The following STK24 variants were observed in gnomAD, a reference collection of about 807,000 sequenced individuals.
The protein encoded by STK24 is serine/threonine kinase 24, also known as serine/threonine-protein kinase 24.
STK24 carries 21 observed loss-of-function variants against 55.6 expected under a neutral mutation model. The ratio of observed to expected loss-of-function variants is 0.38; its 90% CI spans 0.27 to 0.54. The LOEUF is 0.54. Ranked by LOEUF, STK24 falls within the 20% of genes least tolerant of loss-of-function variation. The pLI is 0.79. For synonymous variants in STK24, 200 were observed against 215.2 expected (o/e 0.93, Z 0.62); for missense variants, 383 against 538.4 (o/e 0.71, Z 2.86).
intron 1 of STK24, among the ~76,000 whole-genome samples, chr13:98,556,898 T>G (rs571005896): frequency 6.6e-6 from 1 of 152,128 alleles, no homozygotes; most frequent in Non-Finnish European, 1.5e-5. Flanking sequence ...AGACACATGA[T>G]TTGTCTAATA....
intron 10 of STK24, chr13:98,454,908 A>G (rs1893379430): frequency 6.6e-6 from 1 of 152,428 alleles, no homozygotes; most frequent in Admixed American, 6.5e-5. Flanking sequence ...GAGAGCACCA[A>G]CTTGGCTTCC....
At chr13:98,569,355 G>A (rs1221787614) in intron 1 of STK24, among the ~76,000 whole-genome samples, 3 of 150,050 alleles carry the variant, frequency 2.0e-5, no homozygotes, top group African/African-American at 4.9e-5. Flanking sequence ...AGAAAATGGC[G>A]CACTATATGC....
chr13:98,477,148 T>C (rs1470364695), intron 3 of STK24, among the ~76,000 whole-genome samples: 1 of 152,238 alleles, frequency 6.6e-6, no homozygotes, highest in African/African-American at 2.4e-5. Context: ...GAAATGCATA[T>C]CAAAACTACT....
At chr13:98,512,571 GTTTTT>G (rs11434391) in intron 2 of STK24, among the ~76,000 whole-genome samples, 1 of 141,466 alleles carries the variant, frequency 7.1e-6, no homozygotes, top group Non-Finnish European at 1.5e-5. Context: ...CACAAAGTAA[GTTTTT>G]TTTTTTTTTT....
chr13:98,535,989 G>T (rs1368716730), intron 1 of STK24, among the ~76,000 whole-genome samples: 2 of 152,190 alleles, frequency 1.3e-5, no homozygotes, highest in Non-Finnish European at 2.9e-5. Flanking sequence ...AGACCAAATC[G>T]TTTTGGTGTA....
intron 9 of STK24, 93 bp from the exon 10 acceptor site, chr13:98,457,397 A>G: frequency 6.4e-7 from 1 of 1,552,046 alleles, no homozygotes; most frequent in Non-Finnish European, 8.7e-7. Context: ...CGTGTGGACC[A>G]CGACACTACC....
At chr13:98,497,482 T>C (rs1345751016) in intron 2 of STK24, among the ~76,000 whole-genome samples, 1 of 152,250 alleles carries the variant, frequency 6.6e-6, no homozygotes, top group Admixed American at 6.5e-5. Flanking sequence ...ACAGTGACGA[T>C]GCCCTAGTGA....
In STK24 at chr13:98,446,247, G is replaced by C. The variant is rs773863609; in HGVS notation, c.*6926C>G. On this transcript the variant is annotated 3_prime_UTR_variant, in exon 11 of 11. Coordinates refer to ENST00000539966, the MANE Select transcript of STK24 (RefSeq NM_001032296.4). ...GGGCAGGTGGCCCTGGGACCTTGGGGGTGGCAGCATGAGGTGAGGGGGCCG... is the reference window on the plus strand; with the variant it reads ...GGGCAGGTGGCCCTGGGACCTTGGGCGTGGCAGCATGAGGTGAGGGGGCCG... 7.2e-7 allele frequency: 1 copy of C among 1,390,760 alleles called. No homozygotes were observed. 86.2% of individuals were successfully genotyped at this position (1,390,760 alleles called of 1,614,324 possible).
intron 2 of STK24, among the ~76,000 whole-genome samples, chr13:98,502,359 G>T (rs1895504360): frequency 6.6e-6 from 1 of 152,146 alleles, no homozygotes; most frequent in Non-Finnish European, 1.5e-5. Flanking sequence ...CTTACTCTAG[G>T]TCTTAAAGCC....
At position 98,457,320 on chromosome 13, in the gene STK24, C is replaced by G. The variant is rs781754902; in HGVS notation, c.1123-16G>C. On this transcript the variant is annotated splice_polypyrimidine_tract_variant and intron_variant, in intron 9 of 10. Transcript: ENST00000539966. ...TCTCCTTCAACTGAAAACACACGAACAGGAAGAATGGCATGAAGCACACCA... is the reference window on the plus strand; with the variant it reads ...TCTCCTTCAACTGAAAACACACGAAGAGGAAGAATGGCATGAAGCACACCA... 1 of 1,613,972 alleles carries G rather than the reference C, an allele frequency of 6.2e-7. No individual in the cohort carries two copies. The highest frequency in any genetic ancestry group is 1.1e-5 in the South Asian group (1 of 91,086).
intron 2 of STK24, among the ~76,000 whole-genome samples, chr13:98,503,939 G>A (rs1895587257): frequency 1.3e-5 from 2 of 152,098 alleles, no homozygotes; most frequent in South Asian, 4.1e-4. Flanking sequence ...AGCCACCCAC[G>A]CAGAATCTGC....
At chr13:98,497,715 G>C (rs1047712295) in intron 2 of STK24, among the ~76,000 whole-genome samples, 10 of 152,176 alleles carry the variant, frequency 6.6e-5, no homozygotes, top group Non-Finnish European at 1.5e-5. Flanking sequence ...CCATTGGCTT[G>C]TCTCTCATTT....
chr13:98,491,978 AATTT>A (rs545462941), intron 2 of STK24, among the ~76,000 whole-genome samples: 110 of 152,314 alleles, frequency 7.2e-4, no homozygotes, highest in Non-Finnish European at 1.0e-3. Context: ...CAATTTCAAT[AATTT>A]ATTAATAAAA....
At chr13:98,529,600 G>A (rs952245949) in intron 1 of STK24, among the ~76,000 whole-genome samples, 10 of 152,142 alleles carry the variant, frequency 6.6e-5, no homozygotes, top group Non-Finnish European at 1.3e-4. Flanking sequence ...TACAGTATGA[G>A]TCCCTTTATA....
intron 2 of STK24, among the ~76,000 whole-genome samples, chr13:98,493,595 C>CTAG (rs1895123461): frequency 6.6e-6 from 1 of 152,116 alleles, no homozygotes; most frequent in Non-Finnish European, 1.5e-5. Flanking sequence ...TGCTATGAAG[C>CTAG]TAGTAACACG....
chr13:98,499,186 C>T lies in STK24; in HGVS notation c.274-16865G>A, dbSNP rs559812305. 1.3e-3 allele frequency among the ~76,000 whole-genome samples: 198 copies of T among 151,918 alleles called. 4 individuals are homozygous for T. In the South Asian group the frequency reaches 0.016, roughly 12 times the overall value. On this transcript the variant is annotated intron_variant, in intron 2 of 10. Coordinates refer to ENST00000539966, the MANE Select transcript of STK24 (RefSeq NM_001032296.4). The stretch of plus-strand genomic sequence containing the variant: ...CCAGGAGGCGGACGTTGCAGGGAGC[C>T]GAGATTTTACCACTGCACTCCAACC...
rs112364908 is a variant in STK24, at chr13:98,446,836, C to G, written c.*6337G>C. 13 of 1,613,242 alleles carry G rather than the reference C, an allele frequency of 8.1e-6. No homozygotes were observed. Among genetic ancestry groups the G allele is most frequent in the Non-Finnish European group, 1.1e-5 (13 of 1,179,482 alleles). On this transcript the variant is annotated 3_prime_UTR_variant, in exon 11 of 11. Coordinates refer to ENST00000539966, the MANE Select transcript of STK24 (RefSeq NM_001032296.4). ...TCGAAAGGTAGACACCCCCTTCCCA[C>G]GCACAGGGCCCTGCAGAAGAGGACC...
intron 1 of STK24, among the ~76,000 whole-genome samples, chr13:98,551,860 G>C (rs1897168395): frequency 6.6e-6 from 1 of 152,172 alleles, no homozygotes; most frequent in African/African-American, 2.4e-5. Flanking sequence ...ATAAATCTTT[G>C]TTGAGAAATG....
At chr13:98,501,544 A>G (rs17574481) in intron 2 of STK24, among the ~76,000 whole-genome samples, 2,098 of 152,338 alleles carry the variant, frequency 0.014, 26 homozygotes, top group Non-Finnish European at 0.023. Flanking sequence ...TGAATAATAA[A>G]CTACAAAAAT....
Sources: allele counts gnomAD v4.1 joint callset (sites outside exome capture counted in the v4.1 genomes callset), GRCh38; gene constraint gnomAD v4.1.1; transcripts MANE v1.5; gene names NCBI Gene and HGNC (gene_info 2026-07-23, HGNC 2026-07-21).